Variants in KHK observed in about 807,000 individuals in gnomAD.
KHK encodes fructokinase.
A neutral mutation model predicts 36.0 loss-of-function variants in KHK; 37 were observed. The ratio of observed to expected loss-of-function variants is 1.03; its 90% CI spans 0.79 to 1.35. KHK has a LOEUF of 1.35. KHK is among the 40% of genes most tolerant of loss of function. The pLI is 0.00. For synonymous variants in KHK, 161 were observed against 162.8 expected, an observed-to-expected ratio of 0.99 and a Z score of 0.08; for missense variants, 395 against 391.9, an observed-to-expected ratio of 1.01 and a Z score of -0.07.
At position 27,097,499 on chromosome 2, in the gene KHK, C is replaced by T; in HGVS notation, c.418-4C>T. ...CGGTCCTGAGCTGCCCTGTCCTGTA[C>T]CAGGGCCGGAACGCATCGGAGCAGG... On this transcript the variant is annotated splice_region_variant and splice_polypyrimidine_tract_variant and intron_variant, in intron 4 of 7. Coordinates refer to ENST00000260598, the MANE Select transcript of KHK (RefSeq NM_006488.3). 1 of 1,613,416 alleles carries T rather than the reference C, an allele frequency of 6.2e-7. No homozygotes were observed.
chr2:27,096,829 G>C (rs1182034236), intron 4 of KHK, 28 bp downstream of exon 4: 6 of 1,566,332 alleles, frequency 3.8e-6, no homozygotes, highest in Non-Finnish European at 5.3e-6. Flanking sequence ...TGTGTTTCAA[G>C]GGGCTCAACC....
chr2:27,087,316 G>C lies in KHK; in HGVS notation c.57G>C (p.Leu19=), dbSNP rs777819900. Residue 19 remains leucine (L), a synonymous_variant, in exon 1 of 8, where the codon CTG becomes CTC. Transcript: ENST00000260598. ...TAGTGGTGCTGGACGTCATCAGCCT[G>C]GTGGACAAGTACCCTAAGGAGGACT... ...VGLVVLDVIS[L]VDKYPKEDSE... 1 of 1,600,638 alleles carries C rather than the reference G, an allele frequency of 6.2e-7. No individual in the cohort carries two copies. Among genetic ancestry groups the C allele is most frequent in the Non-Finnish European group, 8.5e-7 (1 of 1,173,218 alleles).
chr2:27,099,787 C>G lies in KHK; in HGVS notation c.*37C>G. 1 of 1,607,570 alleles carries G rather than the reference C, an allele frequency of 6.2e-7. No homozygotes were observed. The highest frequency in any genetic ancestry group is 8.5e-7 in the Non-Finnish European group (1 of 1,177,104). ...GGCTCCTCACACACCATGGAGACTA[C>G]CATTGCGGCTGCATCGCCTTCTCCC... On this transcript the variant is annotated 3_prime_UTR_variant, in exon 8 of 8. Transcript: ENST00000260598.
At chr2:27,087,603 ATCAGGTG>A (rs112311122) in intron 1 of KHK, among the ~76,000 whole-genome samples, 12 of 152,092 alleles carry the variant, frequency 7.9e-5, no homozygotes, top group Non-Finnish European at 1.5e-4. Flanking sequence ...CAACTCAGGC[ATCAGGTG>A]TCAGGTGTCA....
At position 27,087,169 on chromosome 2, in the gene KHK, T is replaced by A; in HGVS notation, c.-91T>A. On this transcript the variant is annotated 5_prime_UTR_variant, in exon 1 of 8. Transcript: ENST00000260598. ...CACGCGGAGGAGGAGCCAGGGCAGC[T>A]GGGAGCGGGGACACCATCCTCCTGG... The A allele has an allele frequency of 9.0e-7, 1 of 1,117,206 alleles. No homozygotes were observed. The highest frequency in any genetic ancestry group is 2.1e-5 in the Admixed American group (1 of 48,156). 69.2% of individuals were successfully genotyped at this position (1,117,206 alleles called of 1,614,324 possible). A position where few individuals can be genotyped will look rare whatever the true frequency, so the allele number is the denominator to read the frequency against.
chr2:27,093,719 C>T (rs1670146314), intron 2 of KHK, among the ~76,000 whole-genome samples: 1 of 152,208 alleles, frequency 6.6e-6, no homozygotes, highest in South Asian at 2.1e-4. Context: ...AGTTCTTGAG[C>T]ACAGAACAAT....
chr2:27,092,287 G>A lies in KHK; in HGVS notation c.93-45G>A, dbSNP rs752922747. On this transcript the variant is annotated intron_variant, in intron 1 of 7. Coordinates refer to ENST00000260598, the MANE Select transcript of KHK (RefSeq NM_006488.3). ...GCCCCTATACAGGAGACTGTGCTTG[G>A]GATCAGCCTGCTGGGGCTGCAGGGA... is the stretch of plus-strand genomic sequence containing the variant. The A allele has an allele frequency of 2.3e-5, 34 of 1,459,098 alleles. No individual in the cohort carries two copies. In the East Asian group the frequency reaches 2.9e-4, roughly 13 times the overall value. The allele number at this position is 1,459,098 out of a possible 1,614,324, so 90.4% of individuals were successfully genotyped here.
At chr2:27,092,818 G>A (rs1216108574) in intron 2 of KHK, among the ~76,000 whole-genome samples, 7 of 152,154 alleles carry the variant, frequency 4.6e-5, no homozygotes, top group African/African-American at 7.2e-5. Context: ...TTAGGGACAC[G>A]TGGTACCCAT....
chr2:27,091,915 C>T (rs1670030724), intron 1 of KHK, among the ~76,000 whole-genome samples: 1 of 152,018 alleles, frequency 6.6e-6, no homozygotes, highest in Non-Finnish European at 1.5e-5. Context: ...TGGGAAGAGG[C>T]ACTTAGTCCC....
intron 1 of KHK, among the ~76,000 whole-genome samples, chr2:27,092,056 C>A (rs1202920169): frequency 6.6e-6 from 1 of 152,146 alleles, no homozygotes; most frequent in Admixed American, 6.5e-5. Context: ...AGTGATGGAC[C>A]CAAGTGAGTG....
chr2:27,094,747 AG>A, intron 2 of KHK, 52 bp from the exon 3 acceptor site: 1 of 1,613,794 alleles, frequency 6.2e-7, no homozygotes. Flanking sequence ...GACCACTTCC[AG>A]GCTCTAATCT....
chr2:27,094,766 C>T (rs200402287), intron 2 of KHK, 34 bp from the exon 3 acceptor site: 17 of 1,614,044 alleles, frequency 1.1e-5, no homozygotes, highest in Admixed American at 5.0e-5. Flanking sequence ...TCTGTGTCTC[C>T]TTGCCCTTTT....
Position 27,099,211 on chromosome 2 carries a change from G to C in KHK, c.580G>C (p.Asp194His), listed in dbSNP as rs767761539. 7.4e-6 allele frequency: 12 copies of C among 1,614,156 alleles called. No homozygotes were observed. In the South Asian group the frequency reaches 1.1e-4, roughly 15 times the overall value. Residue 194 changes from aspartate to histidine, a missense_variant, in exon 6 of 8, where the codon GAT (aspartate) becomes CAT (histidine). Physicochemically the swap from Asp to His is moderately conservative, Grantham distance 81. Coordinates refer to ENST00000260598, the MANE Select transcript of KHK (RefSeq NM_006488.3). ...CTGCCCACAGGTGTTTGTCAGCAAA[G>C]ATGTGGCCAAGCACTTGGGGTTCCA... The part of the protein sequence containing the change: ...GYGDVVFVSK[D>H]VAKHLGFQSA...
intron 1 of KHK, among the ~76,000 whole-genome samples, chr2:27,088,309 A>G (rs1669787066): frequency 6.6e-6 from 1 of 151,876 alleles, no homozygotes; most frequent in Admixed American, 6.6e-5. Flanking sequence ...TTCTCACTAT[A>G]CTGATCAGAG....
chr2:27,094,934 C>A lies in KHK; in HGVS notation c.344C>A (p.Thr115Lys). 6.2e-7 allele frequency: 1 copy of A among 1,613,842 alleles called. No homozygotes were observed. The highest frequency in any genetic ancestry group is 1.1e-5 in the South Asian group (1 of 91,088). The change falls in exon 3 of 8, where the codon ACG becomes AAG. Residue 115 changes from threonine to lysine, a missense_variant and splice_region_variant. By Grantham distance (78) the Thr-to-Lys change is moderately conservative. Transcript: ENST00000260598. ...AACCGTACCATTGTGCTCCATGACACGTAAGGCCCCCGGGCCTCGCCCTGC... is the reference window on the plus strand; with the variant it reads ...AACCGTACCATTGTGCTCCATGACAAGTAAGGCCCCCGGGCCTCGCCCTGC... Reference protein sequence around the residue: ...NGNRTIVLHDTSLPDVSATDF... With the variant: ...NGNRTIVLHDKSLPDVSATDF...
intron 1 of KHK, among the ~76,000 whole-genome samples, chr2:27,089,358 G>C (rs1216313732): frequency 6.6e-6 from 1 of 152,174 alleles, no homozygotes; most frequent in African/African-American, 2.4e-5. Context: ...GGTCGAGGCA[G>C]CCACAGGACA....
intron 1 of KHK, among the ~76,000 whole-genome samples, chr2:27,091,662 G>A (rs987664566): frequency 7.9e-5 from 12 of 152,142 alleles, no homozygotes; most frequent in African/African-American, 2.2e-4. Context: ...GGATCAGTGC[G>A]TTGACCCTCT....
chr2:27,087,067 G>A lies in KHK; in HGVS notation c.-193G>A. 1 of 542,482 alleles carries A rather than the reference G, an allele frequency of 1.8e-6. No individual in the cohort carries two copies. Among genetic ancestry groups the A allele is most frequent in the Non-Finnish European group, 3.3e-6 (1 of 302,028 alleles). The allele number at this position is 542,482 out of a possible 1,614,324, so 33.6% of individuals were successfully genotyped here. A position where few individuals can be genotyped will look rare whatever the true frequency, so the allele number is the denominator to read the frequency against. ...CCTAGACCCGCTCGGGTCTTCGGGT[G>A]TCGCGAGGAAGGGCCCTGCTCCTTT... is the stretch of plus-strand genomic sequence containing the variant. On this transcript the variant is annotated 5_prime_UTR_variant, in exon 1 of 8. Coordinates refer to ENST00000260598, the MANE Select transcript of KHK (RefSeq NM_006488.3).
intron 4 of KHK, among the ~76,000 whole-genome samples, chr2:27,097,128 G>A (rs1670405813): frequency 6.6e-6 from 1 of 152,168 alleles, no homozygotes; most frequent in Admixed American, 6.5e-5. Flanking sequence ...CATTACCTCT[G>A]GGGAAGCAGG....
Sources: gnomAD v4.1 joint callset for allele counts (sites outside exome capture counted in the v4.1 genomes callset) on GRCh38, gnomAD v4.1.1 for gene constraint, MANE v1.5 for transcripts, NCBI Gene and HGNC (gene_info 2026-07-23, HGNC 2026-07-21) for gene names.